ENDOD1: variants seen among roughly 807,000 people sequenced by gnomAD.
ENDOD1 encodes endonuclease domain containing 1.
ENDOD1 carries 9 observed loss-of-function variants against 6.5 expected under a neutral mutation model. The observed-to-expected ratio is 1.39, with a 90% confidence interval of 0.84 to 2.43. The LOEUF is 2.43. ENDOD1 is among the 30% of genes most tolerant of loss of function. The probability of loss-of-function intolerance (pLI) is 0.00; values close to 1 mark genes in which losing one functional copy is unlikely to be tolerated. For missense variants in ENDOD1, 648 were observed against 635.5 expected (o/e 1.02, Z -0.21); for synonymous variants, 255 against 255.2 (o/e 1.00, Z 0.01).
intron 1 of ENDOD1, among the ~76,000 whole-genome samples, chr11:95,115,830 GA>G (rs1859203515): frequency 6.6e-6 from 1 of 152,074 alleles, no homozygotes; most frequent in Admixed American, 6.5e-5. Context: ...TGCATCCCGG[GA>G]ATAAATCCCA....
At chr11:95,109,198 G>A (rs907656253) in intron 1 of ENDOD1, among the ~76,000 whole-genome samples, 1 of 152,156 alleles carries the variant, frequency 6.6e-6, no homozygotes, top group Non-Finnish European at 1.5e-5. Context: ...GGATCTTGTC[G>A]GAATCATCCC....
Position 95,128,730 on chromosome 11 carries a change from TG to T in ENDOD1, c.655del (p.Val219PhefsTer28). The T allele has an allele frequency of 6.2e-7, 1 of 1,614,192 alleles. No individual in the cohort carries two copies. The highest frequency in any genetic ancestry group is 8.5e-7 in the Non-Finnish European group (1 of 1,180,040). On this transcript the variant is annotated frameshift_variant, in exon 2 of 2. Transcript: ENST00000278505. LOFTEE classifies it low-confidence loss of function (END_TRUNC). ...VKDKVAVPEF[V>X]WLAACCAVPG... ...AAGACAAAGTGGCAGTCCCTGAGTT[TG>T]TTTGGCTGGCAGCCTGTTGTGCTGT...
chr11:95,102,648 GCTGA>G (rs1334119424), intron 1 of ENDOD1, among the ~76,000 whole-genome samples: 1 of 151,948 alleles, frequency 6.6e-6, no homozygotes, highest in Non-Finnish European at 1.5e-5. Context: ...CTCCAGCCTG[GCTGA>G]CAGAGCAAGA....
chr11:95,103,778 A>G (rs1555111162), intron 1 of ENDOD1, among the ~76,000 whole-genome samples: 5 of 152,218 alleles, frequency 3.3e-5, no homozygotes, highest in Non-Finnish European at 7.3e-5. Context: ...CCTCTCCTAC[A>G]GAGGAGTTAA....
intron 1 of ENDOD1, among the ~76,000 whole-genome samples, chr11:95,123,519 A>G (rs1476904812): frequency 6.6e-6 from 1 of 151,412 alleles, no homozygotes; most frequent in Non-Finnish European, 1.5e-5. Context: ...TCTTGTTACC[A>G]TCAGTAAAAG....
Position 95,128,675 on chromosome 11 carries a change from C to CA in ENDOD1, c.600dup (p.Gly201ArgfsTer10). 2 of 1,614,212 alleles carry CA rather than the reference C, an allele frequency of 1.2e-6. No individual in the cohort carries two copies. Among genetic ancestry groups the CA allele is most frequent in the Non-Finnish European group, 1.7e-6 (2 of 1,180,042 alleles). ...AGTGGGGAAGACCTATATATCCTCA[C>CA]AGGCACAGTGCCCTCAGACTACAGA... is the stretch of plus-strand genomic sequence containing the variant. On this transcript the variant is annotated frameshift_variant, in exon 2 of 2. Transcript: ENST00000278505. LOFTEE classifies it low-confidence loss of function (END_TRUNC).
chr11:95,129,721 T>C lies in ENDOD1; in HGVS notation c.*142T>C. 1.2e-6 allele frequency: 1 copy of C among 858,096 alleles called. No individual in the cohort carries two copies. Among genetic ancestry groups the C allele is most frequent in the Non-Finnish European group, 1.8e-6 (1 of 563,178 alleles). 53.2% of individuals were successfully genotyped at this position (858,096 alleles called of 1,614,324 possible). ...GTCTGCTTGTTTTTGCAAAAGAAGA[T>C]GGCAGAATTTAGACTTGACAGAGGA... is the stretch of plus-strand genomic sequence containing the variant. On this transcript the variant is annotated 3_prime_UTR_variant, in exon 2 of 2. Coordinates refer to ENST00000278505, the MANE Select transcript of ENDOD1 (RefSeq NM_015036.3).
In ENDOD1 at chr11:95,131,973, G is replaced by C. The variant is rs540110261; in HGVS notation, c.*2394G>C. On this transcript the variant is annotated 3_prime_UTR_variant, in exon 2 of 2. Transcript: ENST00000278505. ...CCCACTGCCCTGAGCTACTAGTGTG[G>C]CTGTGCCTGTGGGTCTCTAGAACCA... 6.6e-6 allele frequency: 1 copy of C among 152,504 alleles called. No individual in the cohort carries two copies. The highest frequency in any genetic ancestry group is 2.1e-4 in the South Asian group (1 of 4,822). 9.4% of individuals were successfully genotyped at this position (152,504 alleles called of 1,614,324 possible).
intron 1 of ENDOD1, among the ~76,000 whole-genome samples, chr11:95,112,458 G>T (rs1466472182): frequency 2.0e-5 from 3 of 152,196 alleles, no homozygotes; most frequent in Non-Finnish European, 4.4e-5. Flanking sequence ...AGATGATAAT[G>T]ATACCTATCT....
At position 95,129,415 on chromosome 11, in the gene ENDOD1, G is replaced by T. The variant is rs773906688; in HGVS notation, c.1339G>T (p.Ala447Ser). ...CACTTTCCCTGTGTACACCATGGGC[G>T]CTATTCCAATTGTTTGCAAGGACAT... ...VATFPVYTMG[A>S]IPIVCKDIAL... Residue 447 changes from alanine to serine, a missense_variant, in exon 2 of 2, where the codon GCT (alanine) becomes TCT (serine). Ala to Ser is a moderately conservative substitution (Grantham distance 99). Coordinates refer to ENST00000278505, the MANE Select transcript of ENDOD1 (RefSeq NM_015036.3). 2 of 1,614,034 alleles carry T rather than the reference G, an allele frequency of 1.2e-6. No individual in the cohort carries two copies. The highest frequency in any genetic ancestry group is 1.7e-6 in the Non-Finnish European group (2 of 1,180,026).
At chr11:95,103,379 A>G (rs782808581) in intron 1 of ENDOD1, among the ~76,000 whole-genome samples, 2 of 152,186 alleles carry the variant, frequency 1.3e-5, no homozygotes, top group Non-Finnish European at 2.9e-5. Flanking sequence ...ATAGTGTTGC[A>G]AAGGATTAGT....
At chr11:95,117,856 C>G (rs1859225851) in intron 1 of ENDOD1, among the ~76,000 whole-genome samples, 1 of 151,938 alleles carries the variant, frequency 6.6e-6, no homozygotes, top group African/African-American at 2.4e-5. Flanking sequence ...TCCTGTCTTC[C>G]TTTTAGTGAA....
At chr11:95,098,052 C>G (rs1459204841) in intron 1 of ENDOD1, among the ~76,000 whole-genome samples, 2 of 152,056 alleles carry the variant, frequency 1.3e-5, no homozygotes, top group African/African-American at 4.8e-5. Context: ...AATCTGAAAT[C>G]TGAAATGCTT....
chr11:95,129,752 G>A lies in ENDOD1; in HGVS notation c.*173G>A. 1 of 674,548 alleles carries A rather than the reference G, an allele frequency of 1.5e-6. No individual in the cohort carries two copies. Among genetic ancestry groups the A allele is most frequent in the South Asian group, 2.0e-5 (1 of 51,176 alleles). 41.8% of individuals were successfully genotyped at this position (674,548 alleles called of 1,614,324 possible). On this transcript the variant is annotated 3_prime_UTR_variant, in exon 2 of 2. Transcript: ENST00000278505. ...AATTTAGACTTGACAGAGGAGAAATGCTCAGGGTGAGATTAGGTGTAGTAA... is the reference window on the plus strand; with the variant it reads ...AATTTAGACTTGACAGAGGAGAAATACTCAGGGTGAGATTAGGTGTAGTAA...
Position 95,128,748 on chromosome 11 carries a change from TTG to T in ENDOD1, c.675_676del (p.Ala226CysfsTer18). On this transcript the variant is annotated frameshift_variant, in exon 2 of 2. Coordinates refer to ENST00000278505, the MANE Select transcript of ENDOD1 (RefSeq NM_015036.3). LOFTEE classifies it low-confidence loss of function (END_TRUNC). ...VPEFVWLAACCAVPGGGWAMG... is the reference protein window; with the variant it reads ...VPEFVWLAACXAVPGGGWAMG... ...CTGAGTTTGTTTGGCTGGCAGCCTG[TTG>T]TGCTGTCCCTGGAGGAGGCTGGGCC... The T allele has an allele frequency of 6.2e-7, 1 of 1,614,134 alleles. No homozygotes were observed. The highest frequency in any genetic ancestry group is 1.3e-5 in the African/African-American group (1 of 75,022).
intron 1 of ENDOD1, among the ~76,000 whole-genome samples, chr11:95,108,084 TCA>T (rs1485773369): frequency 6.6e-6 from 1 of 152,222 alleles, no homozygotes; most frequent in African/African-American, 2.4e-5. Context: ...CCATTGGCCT[TCA>T]CACAGGGCTT....
chr11:95,089,970 C>T lies in ENDOD1; in HGVS notation c.43C>T (p.Leu15=). Residue 15 remains leucine (L), a synonymous_variant, in exon 1 of 2, where the codon CTG becomes TTG. Transcript: ENST00000278505. ...GCTCGCGCTGGGCAGCCTCTTCGCC[C>T]TGGCTGGGCTGCTGGAAGGCCGGCT... is the stretch of plus-strand genomic sequence containing the variant. ...RWLALGSLFA[L]AGLLEGRLVG... is the part of the protein sequence containing the mutation. 1 of 1,532,710 alleles carries T rather than the reference C, an allele frequency of 6.5e-7. No homozygotes were observed. 94.9% of individuals were successfully genotyped at this position (1,532,710 alleles called of 1,614,324 possible).
At chr11:95,096,226 G>GCTT (rs1858982239) in intron 1 of ENDOD1, among the ~76,000 whole-genome samples, 1 of 7,596 alleles carries the variant, frequency 1.3e-4, no homozygotes, top group Non-Finnish European at 3.1e-4. Context: ...AGTCAAGAAA[G>GCTT]CTTTTTTTTT....
At chr11:95,126,253 G>A (rs1451953830) in intron 1 of ENDOD1, among the ~76,000 whole-genome samples, 1 of 152,232 alleles carries the variant, frequency 6.6e-6, no homozygotes, top group Non-Finnish European at 1.5e-5. Flanking sequence ...CAGAGCCAGA[G>A]AGATGTGCAG....
Sources: gnomAD v4.1 joint callset for allele counts (sites outside exome capture counted in the v4.1 genomes callset) on GRCh38, gnomAD v4.1.1 for gene constraint, MANE v1.5 for transcripts, NCBI Gene and HGNC (gene_info 2026-07-23, HGNC 2026-07-21) for gene names.